UGT1A8: variants seen among roughly 807,000 people sequenced by gnomAD.
The protein encoded by UGT1A8 is UDP glucuronosyltransferase family 1 member A8, also known as UDP-glucuronosyltransferase 1A8.
In UGT1A8, 39 loss-of-function variants were observed where a neutral mutation model predicts 45.3. The ratio of observed to expected loss-of-function variants is 0.86; its 90% confidence interval spans 0.67 to 1.12. The LOEUF (loss-of-function observed/expected upper bound fraction) is 1.12, where lower values mean the gene tolerates loss of function less well. Ranked by LOEUF, UGT1A8 falls within the 50% of genes most tolerant of loss-of-function variation. The pLI is 0.00. For missense variants in UGT1A8, 719 were observed against 664.9 expected (o/e 1.08, Z -0.90); for synonymous variants, 275 against 249.2 (o/e 1.10, Z -0.97).
rs142877456 is a variant in UGT1A8, at chr2:233,729,472, A to G, written c.856-37562A>G. On this transcript the variant is annotated intron_variant, in intron 1 of 4. Transcript: ENST00000373450. ...GAAGAAATTTTTCAGAAGTATGGCA[A>G]TGTTGAACAATATGTCTTTGGTCTA... 29 of 1,614,082 alleles carry G rather than the reference A, an allele frequency of 1.8e-5. No homozygotes were observed. The highest frequency in any genetic ancestry group is 2.5e-5 in the Non-Finnish European group (29 of 1,180,048).
chr2:233,730,058 A>C, intron 1 of UGT1A8: 3 of 1,611,656 alleles, frequency 1.9e-6, no homozygotes, highest in Non-Finnish European at 2.5e-6. Context: ...AAATGTATTT[A>C]TTTAAAATTG....
chr2:233,681,887 T>C, intron 1 of UGT1A8: 2 of 1,578,812 alleles, frequency 1.3e-6, no homozygotes, highest in South Asian at 1.2e-5. Context: ...CCACTTACTA[T>C]ATTATAGGAG....
intron 1 of UGT1A8, chr2:233,672,451 C>G (rs756268020): frequency 1.9e-6 from 3 of 1,613,942 alleles, no homozygotes; most frequent in Non-Finnish European, 8.5e-7. Flanking sequence ...CAGGGGAATA[C>G]TTTGCCACTA....
chr2:233,768,861 G>A (rs1031930019), intron 4 of UGT1A8, among the ~76,000 whole-genome samples: 1 of 152,004 alleles, frequency 6.6e-6, no homozygotes, highest in African/African-American at 2.4e-5. Flanking sequence ...TGAGATTACA[G>A]GCATGAGCCA....
chr2:233,672,289 T>A, intron 1 of UGT1A8: 1 of 1,613,896 alleles, frequency 6.2e-7, no homozygotes, highest in Non-Finnish European at 8.5e-7. Flanking sequence ...CATTTTTGAC[T>A]TATTTTTTTC....
intron 1 of UGT1A8, chr2:233,647,832 G>C (rs1373265776): frequency 1.9e-6 from 2 of 1,048,634 alleles, no homozygotes; most frequent in Non-Finnish European, 2.7e-6. Flanking sequence ...CCAAAAGCTA[G>C]CTTTGGTGTC....
intron 1 of UGT1A8, among the ~76,000 whole-genome samples, chr2:233,678,557 A>G (rs2074421083): frequency 6.6e-6 from 1 of 152,180 alleles, no homozygotes; most frequent in African/African-American, 2.4e-5. Flanking sequence ...ATGCTTTTAT[A>G]CAGTACTAAT....
At chr2:233,759,598 G>T (rs1449245871) in intron 1 of UGT1A8, among the ~76,000 whole-genome samples, 1 of 32,538 alleles carries the variant, frequency 3.1e-5, no homozygotes, top group Non-Finnish European at 7.1e-5. Flanking sequence ...CCCCACCCCC[G>T]ACCCGCCCCA....
chr2:233,746,532 C>T (rs1693419043), intron 1 of UGT1A8, among the ~76,000 whole-genome samples: 1 of 151,756 alleles, frequency 6.6e-6, no homozygotes, highest in South Asian at 2.1e-4. Context: ...CATATTGCTG[C>T]CCTGCTGTGT....
At chr2:233,737,278 C>T (rs2078858551) in intron 1 of UGT1A8, among the ~76,000 whole-genome samples, 2 of 152,234 alleles carry the variant, frequency 1.3e-5, no homozygotes, top group Admixed American at 1.3e-4. Context: ...CACCCCTCAC[C>T]CAGCCAGGCT....
intron 1 of UGT1A8, among the ~76,000 whole-genome samples, chr2:233,630,452 G>A (rs1326753078): frequency 6.6e-6 from 1 of 152,120 alleles, no homozygotes; most frequent in Non-Finnish European, 1.5e-5. Context: ...TCTGTCCAGT[G>A]CAACAAATAT....
chr2:233,727,414 G>A (rs1241262548), intron 1 of UGT1A8, among the ~76,000 whole-genome samples: 1 of 152,064 alleles, frequency 6.6e-6, no homozygotes, highest in East Asian at 1.9e-4. Context: ...GCCTCCTCAG[G>A]GTCTGGGAGT....
intron 1 of UGT1A8, chr2:233,671,713 A>G: frequency 1.0e-6 from 1 of 990,960 alleles, no homozygotes; most frequent in Non-Finnish European, 1.4e-6. Flanking sequence ...CAAAGACCAT[A>G]AGCTACTGTT....
intron 1 of UGT1A8, among the ~76,000 whole-genome samples, chr2:233,702,498 T>C (rs1372643212): frequency 6.6e-6 from 1 of 152,198 alleles, no homozygotes; most frequent in Non-Finnish European, 1.5e-5. Context: ...TAGTACCGTG[T>C]TGAATAGAAG....
At chr2:233,669,255 A>T (rs1173800851) in intron 1 of UGT1A8, among the ~76,000 whole-genome samples, 8 of 150,946 alleles carry the variant, frequency 5.3e-5, no homozygotes, top group South Asian at 2.1e-4. Flanking sequence ...ATTGCTCTCC[A>T]TTTTTTTTTC....
chr2:233,724,182 C>T (rs1411199563), intron 1 of UGT1A8, among the ~76,000 whole-genome samples: 18 of 119,544 alleles, frequency 1.5e-4, no homozygotes, highest in African/African-American at 3.0e-4. Flanking sequence ...ATCTCCCTCC[C>T]GGACGGGGTG....
intron 1 of UGT1A8, chr2:233,719,057 C>T (rs777947055): frequency 1.2e-6 from 2 of 1,614,274 alleles, no homozygotes; most frequent in South Asian, 2.2e-5. Flanking sequence ...CCCTGACAGC[C>T]TATGCTGTTC....
At chr2:233,742,194 T>G (rs1691905587) in intron 1 of UGT1A8, among the ~76,000 whole-genome samples, 1 of 151,838 alleles carries the variant, frequency 6.6e-6, no homozygotes. Context: ...GAGTGGGAAA[T>G]CAGGGGACTC....
At chr2:233,694,733 T>C (rs1314036348) in intron 1 of UGT1A8, among the ~76,000 whole-genome samples, 1 of 152,174 alleles carries the variant, frequency 6.6e-6, no homozygotes, top group South Asian at 2.1e-4. Context: ...TGTTAACAAT[T>C]TGAACAGTTG....
Sources: allele counts gnomAD v4.1 joint callset (sites outside exome capture counted in the v4.1 genomes callset), GRCh38; gene constraint gnomAD v4.1.1; transcripts MANE v1.5; gene names NCBI Gene and HGNC (gene_info 2026-07-23, HGNC 2026-07-21).